Variants in NR1I2 observed in about 807,000 individuals in gnomAD.
The protein encoded by NR1I2 is nuclear receptor subfamily 1 group I member 2, also known as orphan nuclear receptor PAR1.
In NR1I2, 42 loss-of-function variants were observed where a neutral mutation model predicts 43.3. The observed-to-expected ratio is 0.97, with a 90% CI of 0.76 to 1.26. NR1I2 has a LOEUF of 1.26. Among genes scored for constraint, NR1I2 ranks in the 50% most tolerant of loss-of-function variants. The pLI is 0.00. For synonymous variants in NR1I2, 229 were observed against 215.0 expected (o/e 1.06, Z -0.57); for missense variants, 559 against 566.7 (o/e 0.99, Z 0.14).
intron 1 of NR1I2, among the ~76,000 whole-genome samples, chr3:119,801,842 G>A (rs1018061930): frequency 6.6e-6 from 1 of 152,292 alleles, no homozygotes; most frequent in Non-Finnish European, 1.5e-5. Flanking sequence ...GAGGGCGGCC[G>A]GGAGGCTGGG....
chr3:119,797,120 G>A (rs1204267145), intron 1 of NR1I2, among the ~76,000 whole-genome samples: 1 of 151,760 alleles, frequency 6.6e-6, no homozygotes. Flanking sequence ...ATTCATGGAA[G>A]ACCTCCCTTC....
chr3:119,798,503 C>T (rs2055029480), intron 1 of NR1I2, among the ~76,000 whole-genome samples: 1 of 151,832 alleles, frequency 6.6e-6, no homozygotes, highest in South Asian at 2.1e-4. Context: ...AATCTAATTC[C>T]AGGACATTTC....
At chr3:119,813,548 C>T (rs1301570008) in intron 5 of NR1I2, among the ~76,000 whole-genome samples, 1 of 152,084 alleles carries the variant, frequency 6.6e-6, no homozygotes, top group African/African-American at 2.4e-5. Context: ...GGGATGGTGC[C>T]AGGTGTATCT....
At chr3:119,792,346 G>A in intron 1 of NR1I2, 1 of 1,420,646 alleles carries the variant, frequency 7.0e-7, no homozygotes, top group Non-Finnish European at 9.9e-7. Flanking sequence ...CTGACCTTCA[G>A]GAAGGAGTTC....
At chr3:119,800,379 A>G (rs1036603224) in intron 1 of NR1I2, among the ~76,000 whole-genome samples, 4 of 152,172 alleles carry the variant, frequency 2.6e-5, no homozygotes, top group East Asian at 1.9e-4. Flanking sequence ...ATGCCACATT[A>G]TCTTGGTTAT....
rs917644465 is a variant in NR1I2 at position 119,786,698 on chromosome 3, T to C, written c.-23+4398T>C. ...TGTGTCTAGTAACCTTCTGACCTCTTGGATCTGATGACCAAGTCCCAGGAA... is the reference window on the plus strand; with the variant it reads ...TGTGTCTAGTAACCTTCTGACCTCTCGGATCTGATGACCAAGTCCCAGGAA... On this transcript the variant is annotated intron_variant, in intron 1 of 8. Coordinates refer to ENST00000393716, the MANE Select transcript of NR1I2 (RefSeq NM_003889.4). Among the ~76,000 whole-genome samples the C allele has an allele frequency of 2.0e-5, 3 of 152,174 alleles. No homozygotes were observed. The East Asian group carries it at 5.8e-4, about 29-fold the overall frequency.
At chr3:119,797,952 ATTAATC>A (rs1553717461) in intron 1 of NR1I2, among the ~76,000 whole-genome samples, 1 of 152,160 alleles carries the variant, frequency 6.6e-6, no homozygotes, top group Non-Finnish European at 1.5e-5. Flanking sequence ...AAAGTCAACC[ATTAATC>A]TTAATTTTAT....
intron 1 of NR1I2, among the ~76,000 whole-genome samples, chr3:119,804,494 G>A (rs1220456995): frequency 6.8e-6 from 1 of 146,176 alleles, no homozygotes; most frequent in African/African-American, 2.5e-5. Context: ...GTCCAGGCTG[G>A]AGTGCAGTGG....
chr3:119,816,701 G>A (rs2107980330), intron 8 of NR1I2, among the ~76,000 whole-genome samples: 1 of 152,074 alleles, frequency 6.6e-6, no homozygotes, highest in Admixed American at 6.5e-5. Context: ...ATGTGCTCTA[G>A]TCCTAGCTAC....
At chr3:119,791,943 T>G (rs2054924656) in intron 1 of NR1I2, 1 of 671,282 alleles carries the variant, frequency 1.5e-6, no homozygotes, top group Non-Finnish European at 2.8e-6. Flanking sequence ...CTTTGACCGA[T>G]TCTGTGGAGT....
intron 2 of NR1I2, among the ~76,000 whole-genome samples, chr3:119,808,880 C>T (rs796289364): frequency 2.6e-5 from 4 of 152,204 alleles, no homozygotes; most frequent in Non-Finnish European, 4.4e-5. Context: ...ATGTGAGCCC[C>T]GGTTTCATCT....
chr3:119,782,769 C>T (rs2054792290), intron 1 of NR1I2: 9 of 1,613,818 alleles, frequency 5.6e-6, no homozygotes, highest in African/African-American at 1.3e-5. Context: ...TGACAGTCAC[C>T]AGGACTCACC....
chr3:119,799,985 A>AACAAACAAACAC (rs1553717728), intron 1 of NR1I2, among the ~76,000 whole-genome samples: 2 of 142,402 alleles, frequency 1.4e-5, no homozygotes, highest in Non-Finnish European at 3.1e-5. Flanking sequence ...CAAACAAACA[A>AACAAACAAACAC]ACACACACAC....
intron 1 of NR1I2, among the ~76,000 whole-genome samples, chr3:119,784,586 T>G (rs1349998545): frequency 6.6e-6 from 1 of 152,242 alleles, no homozygotes; most frequent in Non-Finnish European, 1.5e-5. Flanking sequence ...TGGATTTTAC[T>G]CTTTGAGGCT....
chr3:119,807,066 C>T lies in NR1I2; in HGVS notation c.-22-163C>T, dbSNP rs878935935. Reference sequence around the variant, plus strand: ...GTCATGATTACAGCTCTCTTTATAACAATTCCAACCCCCATTCCCCGCTTT... The same window carrying T: ...GTCATGATTACAGCTCTCTTTATAATAATTCCAACCCCCATTCCCCGCTTT... On this transcript the variant is annotated intron_variant, in intron 1 of 8. Coordinates refer to ENST00000393716, the MANE Select transcript of NR1I2 (RefSeq NM_003889.4). Among the ~76,000 whole-genome samples, 3 of 152,308 alleles carry T rather than the reference C, an allele frequency of 2.0e-5. No individual in the cohort carries two copies. The South Asian group carries it at 6.2e-4, about 32-fold the overall frequency.
chr3:119,792,438 T>A, intron 1 of NR1I2: 1 of 1,172,712 alleles, frequency 8.5e-7, no homozygotes, highest in Non-Finnish European at 1.3e-6. Flanking sequence ...GGGGACGGCC[T>A]GATGGAGCTG....
In NR1I2 at chr3:119,811,724, C is replaced by T. The variant is rs201775074; in HGVS notation, c.517C>T (p.Arg173Trp). ...TACCTTCTCCCATTTCAAGAATTTC[C>T]GGGTAGGAGGAACTGCACAGTGACC... Residue 173 changes from arginine to tryptophan, a missense_variant and splice_region_variant, in exon 4 of 9, where the codon CGG becomes TGG. Transcript: ENST00000393716. 54 of 1,605,960 alleles carry T rather than the reference C, an allele frequency of 3.4e-5. No homozygotes were observed. Among genetic ancestry groups the T allele is most frequent in the Non-Finnish European group, 4.2e-5 (49 of 1,175,756 alleles).
rs3030846 is a variant in NR1I2 at position 119,787,657 on chromosome 3, A to ATG, written c.-23+5406_-23+5407dup. Reference sequence around the variant, plus strand: ...TCCTCTGGCCAGTTCTGCTATTAATATGTGTGTGTGTGTGTGTGTGTGTGT... The same window carrying ATG: ...TCCTCTGGCCAGTTCTGCTATTAATATGTGTGTGTGTGTGTGTGTGTGTGTGT... On this transcript the variant is annotated intron_variant, in intron 1 of 8. Transcript: ENST00000393716. 4.1e-3 allele frequency among the ~76,000 whole-genome samples: 530 copies of ATG among 128,492 alleles called. 6 individuals are homozygous for ATG. Among genetic ancestry groups the ATG allele is most frequent in the African/African-American group, 0.013 (435 of 33,242 alleles). 84.3% of individuals were successfully genotyped at this position (128,492 alleles called of 152,430 possible).
chr3:119,814,539 A>G (rs1002069634), intron 5 of NR1I2, among the ~76,000 whole-genome samples: 7 of 152,326 alleles, frequency 4.6e-5, no homozygotes, highest in African/African-American at 1.7e-4. Context: ...CACTCTGGAA[A>G]GACTTCTGAG....
Sources: gnomAD v4.1 joint callset for allele counts (sites outside exome capture counted in the v4.1 genomes callset) on GRCh38, gnomAD v4.1.1 for gene constraint, MANE v1.5 for transcripts, NCBI Gene and HGNC (gene_info 2026-07-23, HGNC 2026-07-21) for gene names.